SEC14L5: variants seen among roughly 807,000 people sequenced by gnomAD.
SEC14L5 encodes SEC14-like protein 5.
Under a neutral mutation model 84.6 loss-of-function variants are expected in SEC14L5, and 96 were observed. The observed-to-expected ratio is 1.13, with a 90% CI of 0.96 to 1.34. The LOEUF is 1.34. SEC14L5 is among the 40% of genes most tolerant of loss of function. The probability of loss-of-function intolerance (pLI) is 0.00; values close to 1 mark genes in which losing one functional copy is unlikely to be tolerated. For missense variants in SEC14L5, 1,224 were observed against 942.5 expected, an observed-to-expected ratio of 1.30 and a Z score of -3.91; for synonymous variants, 546 against 383.4, an observed-to-expected ratio of 1.42 and a Z score of -4.95.
At chr16:4,992,706 C>G (rs1428838706) in intron 6 of SEC14L5, among the ~76,000 whole-genome samples, 3 of 152,186 alleles carry the variant, frequency 2.0e-5, no homozygotes. Flanking sequence ...AATGCATGAT[C>G]ATGGTAGAAA....
At chr16:4,980,540 C>T (rs1955409563) in intron 2 of SEC14L5, among the ~76,000 whole-genome samples, 1 of 152,158 alleles carries the variant, frequency 6.6e-6, no homozygotes, top group Non-Finnish European at 1.5e-5. Flanking sequence ...CTCCTTGAGG[C>T]TCTTTGGGCC....
intron 5 of SEC14L5, among the ~76,000 whole-genome samples, chr16:4,991,241 A>T (rs1433040384): frequency 1.3e-5 from 2 of 149,982 alleles, no homozygotes; most frequent in Non-Finnish European, 3.0e-5. Flanking sequence ...CCTGAGTAAA[A>T]ACCCGTTCTT....
intron 2 of SEC14L5, among the ~76,000 whole-genome samples, chr16:4,967,063 T>C (rs1031976206): frequency 2.6e-5 from 4 of 152,212 alleles, no homozygotes; most frequent in African/African-American, 9.6e-5. Context: ...TCCAGGAGAC[T>C]GTCCCTCAGT....
At chr16:4,991,779 C>G in intron 5 of SEC14L5, 59 bp from the exon 6 acceptor site, 1 of 1,264,366 alleles carries the variant, frequency 7.9e-7, no homozygotes, top group Non-Finnish European at 1.1e-6. Flanking sequence ...TGTGGTGATC[C>G]TGTGACCCCC....
chr16:4,997,296 T>C (rs941523673), intron 8 of SEC14L5, among the ~76,000 whole-genome samples: 1 of 152,178 alleles, frequency 6.6e-6, no homozygotes, highest in African/African-American at 2.4e-5. Flanking sequence ...GATGAGGTTT[T>C]GCCATTTTGA....
chr16:4,996,787 G>T, intron 7 of SEC14L5, 68 bp from the exon 8 acceptor site: 2 of 1,298,770 alleles, frequency 1.5e-6, no homozygotes, highest in Non-Finnish European at 2.1e-6. Context: ...GCCCCGGCTG[G>T]TTCTGTAATT....
intron 2 of SEC14L5, among the ~76,000 whole-genome samples, chr16:4,978,611 A>G: frequency 6.7e-6 from 1 of 148,766 alleles, no homozygotes; most frequent in Non-Finnish European, 1.5e-5. Flanking sequence ...ATATTTATGT[A>G]TTTATTTTTG....
intron 2 of SEC14L5, among the ~76,000 whole-genome samples, chr16:4,983,079 T>G (rs1341038128): frequency 1.3e-5 from 2 of 152,170 alleles, no homozygotes; most frequent in African/African-American, 2.4e-5. Flanking sequence ...CTCCGCTTAC[T>G]GTAACCTCTG....
intron 8 of SEC14L5, among the ~76,000 whole-genome samples, chr16:4,998,505 G>A (rs1156460056): frequency 6.7e-6 from 1 of 149,746 alleles, no homozygotes; most frequent in Non-Finnish European, 1.5e-5. Flanking sequence ...TTGGGAGGCC[G>A]AGGCGGGCGG....
At position 5,010,877 on chromosome 16, in the gene SEC14L5, G is replaced by C. The variant is rs1206267476; in HGVS notation, c.1801-218G>C. ...ACCCCCAGGCGTCAGCTCCTCCCCAGATTAAGAGGGAGGCTCTGGTCCCAG... is the reference window on the plus strand; with the variant it reads ...ACCCCCAGGCGTCAGCTCCTCCCCACATTAAGAGGGAGGCTCTGGTCCCAG... On this transcript the variant is annotated intron_variant, in intron 14 of 15. Coordinates refer to ENST00000251170, the MANE Select transcript of SEC14L5 (RefSeq NM_014692.2). 5 of 539,584 alleles carry C rather than the reference G, an allele frequency of 9.3e-6. No homozygotes were observed. The South Asian group carries it at 1.5e-4, about 16-fold the overall frequency. The allele number at this position is 539,584 out of a possible 1,614,324, so 33.4% of individuals were successfully genotyped here.
intron 11 of SEC14L5, 109 bp downstream of exon 11, chr16:5,003,682 C>A: frequency 1.3e-6 from 1 of 748,790 alleles, no homozygotes; most frequent in South Asian, 2.0e-5. Flanking sequence ...CATTTAGTAA[C>A]TTTTTGGAGA....
chr16:4,974,691 A>G (rs1021530469), intron 2 of SEC14L5, among the ~76,000 whole-genome samples: 4 of 151,938 alleles, frequency 2.6e-5, no homozygotes, highest in Non-Finnish European at 4.4e-5. Flanking sequence ...ACTGTACCCA[A>G]TGTGTAGTCT....
chr16:5,000,621 G>A (rs1005877545), intron 8 of SEC14L5, 34 bp from the exon 9 acceptor site: 28 of 1,494,414 alleles, frequency 1.9e-5, no homozygotes, highest in African/African-American at 4.2e-5. Flanking sequence ...TCTAAATAAC[G>A]GGCTCTTCTT....
intron 2 of SEC14L5, among the ~76,000 whole-genome samples, 179 bp from the exon 3 acceptor site, chr16:4,987,378 C>G (rs1304486773): frequency 6.6e-6 from 1 of 152,130 alleles, no homozygotes; most frequent in Non-Finnish European, 1.5e-5. Context: ...GTGTTGGGCT[C>G]TAACAGGTGC....
chr16:4,980,596 A>T lies in SEC14L5; in HGVS notation c.64-6961A>T, dbSNP rs115976878. 4.4e-3 allele frequency among the ~76,000 whole-genome samples: 672 copies of T among 152,270 alleles called. 3 individuals carry two copies. Among genetic ancestry groups the T allele is most frequent in the African/African-American group, 0.015 (623 of 41,554 alleles). On this transcript the variant is annotated intron_variant, in intron 2 of 15. Transcript: ENST00000251170. ...TTTGCTGGTTAGCATTGTTAGCGCC[A>T]AGGGTGTGCCGAGGACCAAGCCCGG...
chr16:4,971,091 C>CAA (rs34842525), intron 2 of SEC14L5, among the ~76,000 whole-genome samples: 2,308 of 73,834 alleles, frequency 0.031, 35 homozygotes, highest in Non-Finnish European at 0.048. Context: ...GTGACAGAGC[C>CAA]AAAAAAAAAA....
At chr16:5,001,050 C>A in intron 10 of SEC14L5, 125 bp downstream of exon 10, 1 of 748,288 alleles carries the variant, frequency 1.3e-6, no homozygotes, top group East Asian at 2.7e-5. Flanking sequence ...CCAGTTTCTA[C>A]AGTGGTCTTC....
At chr16:5,013,333 C>T (rs759008619) in intron 15 of SEC14L5, among the ~76,000 whole-genome samples, 6 of 152,128 alleles carry the variant, frequency 3.9e-5, no homozygotes, top group Non-Finnish European at 8.8e-5. Flanking sequence ...TGGAACGTGA[C>T]ACTGGACTGA....
At chr16:4,969,008 G>C (rs74005423) in intron 2 of SEC14L5, among the ~76,000 whole-genome samples, 3 of 152,252 alleles carry the variant, frequency 2.0e-5, no homozygotes, top group Non-Finnish European at 4.4e-5. Flanking sequence ...TCGCTGTTAC[G>C]GAGGTAGTTT....
Sources: allele counts gnomAD v4.1 joint callset (sites outside exome capture counted in the v4.1 genomes callset), GRCh38; gene constraint gnomAD v4.1.1; transcripts MANE v1.5; gene names NCBI Gene and HGNC (gene_info 2026-07-23, HGNC 2026-07-21).